RSU1: variants seen among roughly 807,000 people sequenced by gnomAD.
RSU1 encodes the protein rsu-1.
Under a neutral mutation model 31.1 loss-of-function variants are expected in RSU1, and 26 were observed. The ratio of observed to expected loss-of-function variants is 0.84; its 90% CI spans 0.61 to 1.16. The LOEUF (loss-of-function observed/expected upper bound fraction) is 1.16, where lower values mean the gene tolerates loss of function less well. Ranked by LOEUF, RSU1 falls within the 50% of genes most tolerant of loss-of-function variation. RSU1 has a pLI of 0.00. For missense variants in RSU1, 320 were observed against 339.1 expected, an observed-to-expected ratio of 0.94 and a Z score of 0.44; for synonymous variants, 164 against 136.3, an observed-to-expected ratio of 1.20 and a Z score of -1.41.
At chr10:16,738,232 G>T (rs1836675075) in intron 7 of RSU1, among the ~76,000 whole-genome samples, 1 of 152,146 alleles carries the variant, frequency 6.6e-6, no homozygotes, top group Non-Finnish European at 1.5e-5. Context: ...GGATCATGAT[G>T]TCAGCAGATC....
At chr10:16,675,743 G>A (rs1219662405) in intron 8 of RSU1, among the ~76,000 whole-genome samples, 14 of 152,318 alleles carry the variant, frequency 9.2e-5, no homozygotes, top group Non-Finnish European at 4.4e-5. Flanking sequence ...ATGAACGCGT[G>A]CTCCTTTGAG....
intron 3 of RSU1, among the ~76,000 whole-genome samples, chr10:16,775,341 T>C (rs1308102073): frequency 6.6e-6 from 1 of 152,194 alleles, no homozygotes; most frequent in African/African-American, 2.4e-5. Context: ...CCCGTCTTAT[T>C]TTCTCCACAG....
chr10:16,644,040 C>T (rs1468272107), intron 8 of RSU1, among the ~76,000 whole-genome samples: 1 of 151,512 alleles, frequency 6.6e-6, no homozygotes, highest in Admixed American at 6.6e-5. Flanking sequence ...CATGCAAATA[C>T]ACCATTTTAT....
chr10:16,814,949 C>T (rs1049946599), intron 2 of RSU1, among the ~76,000 whole-genome samples: 2 of 152,212 alleles, frequency 1.3e-5, no homozygotes, highest in Non-Finnish European at 2.9e-5. Context: ...CTTCAAAAGC[C>T]GAAGGGTACA....
In RSU1 at chr10:16,730,499, T is replaced by G. The variant is rs80069459; in HGVS notation, c.598+22040A>C. ...CCACCACAGATGAGTGAGACCATCC[T>G]AGGGTACCCTATTAGCCAACCCCCC... On this transcript the variant is annotated intron_variant, in intron 7 of 8. Transcript: ENST00000345264. 3.7e-4 allele frequency among the ~76,000 whole-genome samples: 57 copies of G among 152,234 alleles called. 1 individual carries two copies. The highest frequency in any genetic ancestry group is 1.3e-3 in the African/African-American group (54 of 41,556).
intron 8 of RSU1, among the ~76,000 whole-genome samples, chr10:16,615,007 G>A (rs1387123625): frequency 6.6e-6 from 1 of 152,120 alleles, no homozygotes; most frequent in Admixed American, 6.5e-5. Flanking sequence ...CTAGCATCAC[G>A]ATGGGATCAA....
intron 2 of RSU1, among the ~76,000 whole-genome samples, chr10:16,792,772 C>T (rs140229239): frequency 1.3e-5 from 2 of 152,322 alleles, no homozygotes; most frequent in African/African-American, 2.4e-5. Flanking sequence ...TCTTAACATA[C>T]AGCACGGTGT....
At chr10:16,800,057 G>A (rs912426675) in intron 2 of RSU1, among the ~76,000 whole-genome samples, 1 of 152,094 alleles carries the variant, frequency 6.6e-6, no homozygotes, top group African/African-American at 2.4e-5. Context: ...AAGAGAAAAG[G>A]GGAGGAAAAC....
chr10:16,681,139 A>G (rs1371837426), intron 8 of RSU1, among the ~76,000 whole-genome samples: 1 of 152,240 alleles, frequency 6.6e-6, no homozygotes, highest in East Asian at 1.9e-4. Flanking sequence ...GCATGAAATT[A>G]TGAGTAAGTT....
chr10:16,687,916 C>T (rs1292538197), intron 8 of RSU1, among the ~76,000 whole-genome samples: 1 of 152,006 alleles, frequency 6.6e-6, no homozygotes, highest in Admixed American at 6.6e-5. Flanking sequence ...CAGACGAAGT[C>T]TCACTATGTT....
chr10:16,794,738 A>G (rs887124587), intron 2 of RSU1, among the ~76,000 whole-genome samples: 3 of 152,250 alleles, frequency 2.0e-5, no homozygotes, highest in Non-Finnish European at 4.4e-5. Context: ...CTGGAAAATT[A>G]TTATTGACAC....
chr10:16,691,246 AG>A (rs761185676), intron 8 of RSU1, among the ~76,000 whole-genome samples: 2 of 152,000 alleles, frequency 1.3e-5, no homozygotes, highest in Non-Finnish European at 2.9e-5. Context: ...CTTCACACAA[AG>A]AGTTGAGTTG....
chr10:16,634,198 G>A (rs1174577015), intron 8 of RSU1, among the ~76,000 whole-genome samples: 1 of 152,200 alleles, frequency 6.6e-6, no homozygotes, highest in South Asian at 2.1e-4. Context: ...CAGAGCTAGC[G>A]CAAAGATGGC....
intron 7 of RSU1, among the ~76,000 whole-genome samples, chr10:16,735,427 T>C (rs1836605643): frequency 6.6e-6 from 1 of 152,188 alleles, no homozygotes; most frequent in Non-Finnish European, 1.5e-5. Flanking sequence ...GAAAAATAAT[T>C]ATACCTTTCC....
intron 2 of RSU1, among the ~76,000 whole-genome samples, chr10:16,787,495 C>T (rs1485917137): frequency 6.6e-6 from 1 of 152,160 alleles, no homozygotes; most frequent in Non-Finnish European, 1.5e-5. Context: ...CTCTGTTTTC[C>T]TGTCCCACTG....
intron 2 of RSU1, among the ~76,000 whole-genome samples, chr10:16,811,359 T>C (rs12253908): frequency 0.18 from 27,578 of 152,134 alleles, 2,692 homozygotes; most frequent in African/African-American, 0.25. Flanking sequence ...AGTGTTCTAA[T>C]AATAGCAAGT....
At chr10:16,611,069 GC>G (rs1833884242) in intron 8 of RSU1, among the ~76,000 whole-genome samples, 2 of 152,194 alleles carry the variant, frequency 1.3e-5, no homozygotes, top group African/African-American at 2.4e-5. Context: ...AGCTTTAAGA[GC>G]CAAAGGTCCC....
chr10:16,752,104 T>TG (rs1451074285), intron 7 of RSU1, among the ~76,000 whole-genome samples: 1 of 152,156 alleles, frequency 6.6e-6, no homozygotes, highest in Non-Finnish European at 1.5e-5. Context: ...AACAACTACT[T>TG]TAACTATTTG....
intron 2 of RSU1, among the ~76,000 whole-genome samples, chr10:16,792,590 T>C (rs1837948071): frequency 6.6e-6 from 1 of 152,178 alleles, no homozygotes; most frequent in Admixed American, 6.5e-5. Context: ...CCACCATACC[T>C]TCTAGAATAT....
Sources: allele counts gnomAD v4.1 joint callset (sites outside exome capture counted in the v4.1 genomes callset), GRCh38; gene constraint gnomAD v4.1.1; transcripts MANE v1.5; gene names NCBI Gene and HGNC (gene_info 2026-07-23, HGNC 2026-07-21).